Variants in SPATA17 observed in about 807,000 individuals in gnomAD.
The protein encoded by SPATA17 is spermatogenesis-associated protein 17.
Under a neutral mutation model 62.2 loss-of-function variants are expected in SPATA17, and 53 were observed. That is an observed-to-expected ratio of 0.85 (90% confidence interval 0.68 to 1.07). The LOEUF is 1.07. SPATA17 is among the 50% of genes least tolerant of loss of function. SPATA17 has a pLI of 0.00. For missense variants in SPATA17, 466 were observed against 425.5 expected, an observed-to-expected ratio of 1.10 and a Z score of -0.84; for synonymous variants, 146 against 146.8, an observed-to-expected ratio of 0.99 and a Z score of 0.04.
chr1:217,755,405 T>C lies in SPATA17; in HGVS notation c.519+13307T>C, dbSNP rs952846274. ...GAAGAAAGGGAAAAGAATCTTTCTTTAAATTTTAATTTGTGAATATCTCTG... is the reference window on the plus strand; with the variant it reads ...GAAGAAAGGGAAAAGAATCTTTCTTCAAATTTTAATTTGTGAATATCTCTG... On this transcript the variant is annotated intron_variant, in intron 6 of 10. Transcript: ENST00000366933. Among the ~76,000 whole-genome samples the C allele has an allele frequency of 1.6e-4, 24 of 152,044 alleles. 1 individual carries two copies. The highest frequency in any genetic ancestry group is 5.1e-4 in the African/African-American group (21 of 41,462).
rs906204769 is a variant in SPATA17, at chr1:217,776,244, C to T, written c.723+1707C>T. ...GGGGTGAATGATGATTGTCACCATCCTAAAAGTCCCGGAGAGCCACAGGTC... is the reference window on the plus strand; with the variant it reads ...GGGGTGAATGATGATTGTCACCATCTTAAAAGTCCCGGAGAGCCACAGGTC... On this transcript the variant is annotated intron_variant, in intron 7 of 10. Transcript: ENST00000366933. Among the ~76,000 whole-genome samples the T allele has an allele frequency of 3.9e-5, 6 of 152,182 alleles. No homozygotes were observed. The South Asian group carries it at 6.2e-4, about 16-fold the overall frequency.
chr1:217,742,184 G>A, intron 6 of SPATA17, 86 bp downstream of exon 6: 1 of 1,511,684 alleles, frequency 6.6e-7, no homozygotes, highest in Non-Finnish European at 9.0e-7. Context: ...AATGGGACAT[G>A]ACTTGTTGAA....
intron 1 of SPATA17, among the ~76,000 whole-genome samples, chr1:217,641,821 G>A (rs1000721531): frequency 1.1e-4 from 17 of 151,966 alleles, no homozygotes; most frequent in Admixed American, 4.6e-4. Flanking sequence ...AATTAACATT[G>A]GCACATTTCT....
chr1:217,752,610 A>G (rs1175295254), intron 6 of SPATA17, among the ~76,000 whole-genome samples: 1 of 152,226 alleles, frequency 6.6e-6, no homozygotes, highest in East Asian at 1.9e-4. Context: ...AAAGTGTTGT[A>G]TAATGCATTA....
intron 9 of SPATA17, among the ~76,000 whole-genome samples, chr1:217,839,442 A>C (rs530956250): frequency 3.3e-5 from 5 of 152,170 alleles, no homozygotes; most frequent in African/African-American, 1.2e-4. Flanking sequence ...TCACTTTTTT[A>C]AACTGATCCA....
intron 5 of SPATA17, among the ~76,000 whole-genome samples, chr1:217,732,581 AC>A (rs975850928): frequency 1.3e-5 from 2 of 152,168 alleles, no homozygotes; most frequent in African/African-American, 4.8e-5. Context: ...CAGCTGAATC[AC>A]TGTGAAGATG....
chr1:217,698,115 G>T (rs753887870), intron 5 of SPATA17, among the ~76,000 whole-genome samples: 14 of 152,042 alleles, frequency 9.2e-5, no homozygotes, highest in Non-Finnish European at 1.9e-4. Flanking sequence ...GGCCAGCATG[G>T]TGAAACCCTG....
intron 5 of SPATA17, among the ~76,000 whole-genome samples, chr1:217,706,742 C>G (rs1041306959): frequency 2.0e-5 from 3 of 152,110 alleles, no homozygotes; most frequent in Admixed American, 1.3e-4. Flanking sequence ...GAATGTTTTT[C>G]CATTTGGTTG....
In SPATA17 at chr1:217,749,985, C is replaced by CTCTCTCTATATATA; in HGVS notation, c.519+7888_519+7889insCTCTCTATATATAT. Among the ~76,000 whole-genome samples, 26 of 12,308 alleles carry CTCTCTCTATATATA rather than the reference C, an allele frequency of 2.1e-3. 1 individual carries two copies. The highest frequency in any genetic ancestry group is 3.7e-3 in the African/African-American group (12 of 3,284). 8.1% of individuals were successfully genotyped at this position (12,308 alleles called of 152,430 possible). ...TCTCTCTCTCTCTCTCTCTCTCTCT[C>CTCTCTCTATATATA]TATATATATATATATATATATATAT... is the stretch of plus-strand genomic sequence containing the variant. On this transcript the variant is annotated intron_variant, in intron 6 of 10. Transcript: ENST00000366933.
At chr1:217,814,691 A>T (rs568527534) in intron 9 of SPATA17, among the ~76,000 whole-genome samples, 1 of 152,094 alleles carries the variant, frequency 6.6e-6, no homozygotes, top group African/African-American at 2.4e-5. Context: ...CCGCAAAAAA[A>T]TTAAAAATTA....
At chr1:217,640,084 T>G (rs968702168) in intron 1 of SPATA17, among the ~76,000 whole-genome samples, 11 of 150,078 alleles carry the variant, frequency 7.3e-5, no homozygotes, top group African/African-American at 2.7e-4. Context: ...ATAATTTATT[T>G]ATAATATTTA....
chr1:217,772,651 T>C (rs1673478430), intron 6 of SPATA17, among the ~76,000 whole-genome samples: 1 of 152,132 alleles, frequency 6.6e-6, no homozygotes, highest in African/African-American at 2.4e-5. Context: ...AAGAGTGAAA[T>C]AGAGGTTTTC....
chr1:217,655,941 A>G (rs993954577), intron 3 of SPATA17, among the ~76,000 whole-genome samples: 9 of 152,180 alleles, frequency 5.9e-5, no homozygotes, highest in African/African-American at 2.2e-4. Flanking sequence ...CAAAGACAGT[A>G]GAGTATACTT....
intron 1 of SPATA17, among the ~76,000 whole-genome samples, chr1:217,633,336 T>C (rs1398686403): frequency 6.6e-6 from 1 of 152,220 alleles, no homozygotes; most frequent in African/African-American, 2.4e-5. Flanking sequence ...ACATATGATA[T>C]TTCACTTGGT....
chr1:217,706,890 G>A (rs1439092148), intron 5 of SPATA17, among the ~76,000 whole-genome samples: 2 of 145,098 alleles, frequency 1.4e-5, no homozygotes, highest in African/African-American at 5.1e-5. Flanking sequence ...TTTTTGAGAT[G>A]GAGTCTTGCT....
chr1:217,645,393 A>G (rs1055192979), intron 1 of SPATA17, among the ~76,000 whole-genome samples: 1 of 152,160 alleles, frequency 6.6e-6, no homozygotes, highest in African/African-American at 2.4e-5. Flanking sequence ...AATAACTAAT[A>G]TGGTAACTTC....
chr1:217,835,496 G>A (rs569599336), intron 9 of SPATA17, among the ~76,000 whole-genome samples: 12 of 152,276 alleles, frequency 7.9e-5, no homozygotes, highest in Non-Finnish European at 1.5e-4. Flanking sequence ...TTGTTCAAAA[G>A]GATTTGTGAA....
Position 217,768,372 on chromosome 1 carries a change from T to G in SPATA17, c.520-5962T>G, listed in dbSNP as rs901538391. Among the ~76,000 whole-genome samples, 12 of 152,326 alleles carry G rather than the reference T, an allele frequency of 7.9e-5. No homozygotes were observed. In the South Asian group the frequency reaches 2.5e-3, roughly 32 times the overall value. On this transcript the variant is annotated intron_variant, in intron 6 of 10. Coordinates refer to ENST00000366933, the MANE Select transcript of SPATA17 (RefSeq NM_138796.4). The stretch of plus-strand genomic sequence containing the variant: ...TCATCGCTAACAATAACCTCATGCT[T>G]AAACTGGCCAACTTCATGTTTCTTT...
chr1:217,820,565 A>G (rs1259374866), intron 9 of SPATA17, among the ~76,000 whole-genome samples: 1 of 151,770 alleles, frequency 6.6e-6, no homozygotes, highest in Non-Finnish European at 1.5e-5. Context: ...GAGACTGGGA[A>G]AAGAAGAAAA....
Sources: gnomAD v4.1 joint callset for allele counts (sites outside exome capture counted in the v4.1 genomes callset) on GRCh38, gnomAD v4.1.1 for gene constraint, MANE v1.5 for transcripts, NCBI Gene and HGNC (gene_info 2026-07-23, HGNC 2026-07-21) for gene names.